The following NRAP variants were observed in gnomAD, a reference collection of about 807,000 sequenced individuals.
The protein encoded by NRAP is nebulin related anchoring protein.
Under a neutral mutation model 225.9 loss-of-function variants are expected in NRAP, and 189 were observed. That is an observed-to-expected ratio of 0.84 (90% CI 0.74 to 0.94). The LOEUF is 0.94. Ranked by LOEUF, NRAP falls within the 40% of genes least tolerant of loss-of-function variation. NRAP has a pLI of 0.00. For synonymous variants in NRAP, 769 were observed against 790.7 expected (o/e 0.97, Z 0.46); for missense variants, 2,176 against 2,168.7 (o/e 1.00, Z -0.07).
chr10:113,625,628 G>A (rs571425355), intron 21 of NRAP, among the ~76,000 whole-genome samples: 1 of 152,224 alleles, frequency 6.6e-6, no homozygotes, highest in South Asian at 2.1e-4. Context: ...AATGTGTGTG[G>A]TGCTTCTTTG....
chr10:113,630,210 C>G (rs546287767), intron 18 of NRAP, among the ~76,000 whole-genome samples: 2 of 152,302 alleles, frequency 1.3e-5, no homozygotes, highest in South Asian at 4.2e-4. Flanking sequence ...CTCTGGGAGA[C>G]TGTTGTGATA....
intron 38 of NRAP, among the ~76,000 whole-genome samples, chr10:113,593,619 A>G (rs1393326213): frequency 6.6e-6 from 1 of 152,212 alleles, no homozygotes; most frequent in African/African-American, 2.4e-5. Flanking sequence ...TTACTGGGTC[A>G]TCATTGAGTT....
At position 113,626,124 on chromosome 10, in the gene NRAP, C is replaced by T. The variant is rs372109215; in HGVS notation, c.2167G>A (p.Asp723Asn). 3.5e-5 allele frequency: 56 copies of T among 1,609,294 alleles called. No homozygotes were observed. The highest frequency in any genetic ancestry group is 5.0e-5 in the Admixed American group (3 of 59,586). The change falls in exon 21 of 42, where the codon GAT (aspartate) becomes AAT (asparagine). Residue 723 changes from aspartate (D) to asparagine (N), a missense_variant. Physicochemically the swap from Asp to Asn is conservative, Grantham distance 23. Transcript: ENST00000359988. ...GTCACGCTGGTGAACTTCAGCTCAT[C>T]GACCCTCTGCCGGTAGTTTTTCTGT... ...VSEKNYRQRV[D>N]ELKFTSVTDS...
In NRAP at chr10:113,633,098, TG is replaced by T; in HGVS notation, c.1617del (p.Lys540AsnfsTer22). 6.3e-7 allele frequency: 1 copy of T among 1,575,900 alleles called. No homozygotes were observed. Among genetic ancestry groups the T allele is most frequent in the Non-Finnish European group, 8.7e-7 (1 of 1,145,368 alleles). On this transcript the variant is annotated frameshift_variant, in exon 16 of 42. Transcript: ENST00000359988. LOFTEE classifies it high-confidence loss of function. The part of the protein sequence containing the change: ...VPQLVKAKTN[A>X]KLFSEVKYKE... ...TGCTCTCTTACCTCACTGAAGAGTT[TG>T]GCATTGGTTTTGGCCTTCACCAGCT...
chr10:113,656,358 A>G (rs1240050228), intron 4 of NRAP, among the ~76,000 whole-genome samples: 1 of 152,202 alleles, frequency 6.6e-6, no homozygotes, highest in Non-Finnish European at 1.5e-5. Flanking sequence ...GAACCAATGT[A>G]CACCTCACAT....
Position 113,649,922 on chromosome 10 carries a change from A to T in NRAP, c.888+115T>A, listed in dbSNP as rs1849836278. On this transcript the variant is annotated intron_variant, in intron 9 of 41. Transcript: ENST00000359988. ...ATCTTGGAAAATCTACCTTTCATAAAAAAGGTAAAGATAAACCAAAGCCCC... is the reference window on the plus strand; with the variant it reads ...ATCTTGGAAAATCTACCTTTCATAATAAAGGTAAAGATAAACCAAAGCCCC... The T allele has an allele frequency of 4.6e-6, 3 of 652,966 alleles. No homozygotes were observed. In the South Asian group the frequency reaches 6.3e-5, roughly 14 times the overall value. 40.4% of individuals were successfully genotyped at this position (652,966 alleles called of 1,614,324 possible).
intron 18 of NRAP, among the ~76,000 whole-genome samples, chr10:113,630,762 C>T (rs1404707475): frequency 6.6e-6 from 1 of 152,162 alleles, no homozygotes; most frequent in African/African-American, 2.4e-5. Context: ...AAATGGCGAC[C>T]CAGATGCCAA....
intron 14 of NRAP, among the ~76,000 whole-genome samples, chr10:113,639,312 G>A (rs998729495): frequency 6.6e-6 from 1 of 152,044 alleles, no homozygotes; most frequent in African/African-American, 2.4e-5. Flanking sequence ...CTGATGTCTG[G>A]GCACTGGGTT....
In NRAP at chr10:113,626,090, G is replaced by A; in HGVS notation, c.2201C>T (p.Ser734Phe). The A allele has an allele frequency of 6.2e-7, 1 of 1,612,560 alleles. No individual in the cohort carries two copies. The highest frequency in any genetic ancestry group is 8.5e-7 in the Non-Finnish European group (1 of 1,179,562). ...ELKFTSVTDS[S>F]QMEHAKKSQE... is the part of the protein sequence containing the mutation. ...GCTCTTCTTGGCGTGCTCCATCTGG[G>A]AGCTGTCGGTCACGCTGGTGAACTT... Residue 734 changes from serine to phenylalanine, a missense_variant, in exon 21 of 42, where the codon TCC (serine) becomes TTC (phenylalanine). Ser to Phe is a radical substitution (Grantham distance 155, BLOSUM62 -2). Coordinates refer to ENST00000359988, the MANE Select transcript of NRAP (RefSeq NM_198060.4).
rs1848658059 is a variant in NRAP at position 113,633,013 on chromosome 10, A to G, written c.1632+71T>C. 3 of 835,188 alleles carry G rather than the reference A, an allele frequency of 3.6e-6. No homozygotes were observed. The East Asian group carries it at 7.3e-5, about 20-fold the overall frequency. 51.7% of individuals were successfully genotyped at this position (835,188 alleles called of 1,614,324 possible). On this transcript the variant is annotated intron_variant, in intron 16 of 41. Transcript: ENST00000359988. ...GGGACAGACACTTCCCACTTGCTGG[A>G]CCATCCTGTTATCTTTGTTTTCACA...
intron 18 of NRAP, among the ~76,000 whole-genome samples, chr10:113,630,261 T>A (rs115988529): frequency 6.6e-6 from 1 of 152,322 alleles, no homozygotes; most frequent in African/African-American, 2.4e-5. Context: ...GTACAGGGAC[T>A]GTCACATAGC....
intron 12 of NRAP, among the ~76,000 whole-genome samples, chr10:113,642,129 T>G (rs1377695575): frequency 6.6e-6 from 1 of 152,184 alleles, no homozygotes; most frequent in Non-Finnish European, 1.5e-5. Context: ...AGAATACTAC[T>G]TATGACTATA....
chr10:113,592,422 G>T, intron 38 of NRAP, 121 bp from the exon 39 acceptor site: 1 of 566,442 alleles, frequency 1.8e-6, no homozygotes, highest in Non-Finnish European at 3.1e-6. Flanking sequence ...ACAGCCTATA[G>T]CTCCATGTCC....
intron 10 of NRAP, among the ~76,000 whole-genome samples, chr10:113,646,211 A>T (rs1030106276): frequency 6.6e-6 from 1 of 152,202 alleles, no homozygotes; most frequent in African/African-American, 2.4e-5. Flanking sequence ...TAATCATAAC[A>T]AAAGTTGTCA....
At chr10:113,606,891 C>T (rs1454148686) in intron 32 of NRAP, among the ~76,000 whole-genome samples, 7 of 151,866 alleles carry the variant, frequency 4.6e-5, no homozygotes. Flanking sequence ...CATGGTGAAA[C>T]CTCGTCTCTA....
At chr10:113,648,467 C>CTCTCTCTCTCTCTATATATA (rs749486311) in intron 9 of NRAP, among the ~76,000 whole-genome samples, 3 of 87,356 alleles carry the variant, frequency 3.4e-5, no homozygotes, top group African/African-American at 1.3e-4. Context: ...CTCTCTCTCT[C>CTCTCTCTCTCTCTATATATA]TATATATATA....
At chr10:113,640,110 T>C in intron 14 of NRAP, 117 bp downstream of exon 14, 1 of 610,534 alleles carries the variant, frequency 1.6e-6, no homozygotes, top group East Asian at 3.0e-5. Flanking sequence ...CCTCAATCCC[T>C]TCAACCTCTT....
intron 5 of NRAP, 71 bp downstream of exon 5, chr10:113,653,950 T>G: frequency 1.1e-6 from 1 of 916,908 alleles, no homozygotes; most frequent in Admixed American, 1.7e-5. Context: ...ATTGTAAAAG[T>G]CAAGGAACAG....
chr10:113,627,002 T>C (rs547973187), intron 20 of NRAP, among the ~76,000 whole-genome samples: 2 of 152,344 alleles, frequency 1.3e-5, no homozygotes, highest in East Asian at 1.9e-4. Context: ...AAGCTTCACA[T>C]GGCAGGGAGA....
Sources: allele counts gnomAD v4.1 joint callset (sites outside exome capture counted in the v4.1 genomes callset), GRCh38; gene constraint gnomAD v4.1.1; transcripts MANE v1.5; gene names NCBI Gene and HGNC (gene_info 2026-07-23, HGNC 2026-07-21).